ARID1A: variants seen among roughly 807,000 people sequenced by gnomAD.
ARID1A encodes AT-rich interactive domain-containing protein 1A.
ARID1A carries 20 observed loss-of-function variants against 212.6 expected under a neutral mutation model. That is an observed-to-expected ratio of 0.09 (90% confidence interval 0.07 to 0.14). The LOEUF is 0.14. Among genes scored for constraint, ARID1A ranks in the 10% least tolerant of loss-of-function variants. The pLI is 1.00. For missense variants in ARID1A, 2,587 were observed against 3,059.0 expected (o/e 0.85, Z 3.64); for synonymous variants, 1,376 against 1,222.1 (o/e 1.13, Z -2.63).
intron 1 of ARID1A, among the ~76,000 whole-genome samples, chr1:26,702,018 T>C (rs996524860): frequency 2.0e-5 from 3 of 152,180 alleles, no homozygotes; most frequent in Non-Finnish European, 2.9e-5. Context: ...TGGATATTCA[T>C]AAGTTCAGTG....
intron 11 of ARID1A, chr1:26,770,302 G>A (rs937046476): frequency 9.2e-5 from 14 of 152,112 alleles, no homozygotes; most frequent in African/African-American, 3.1e-4. Context: ...GAGATATGTA[G>A]GGGAGCAGTG....
intron 4 of ARID1A, among the ~76,000 whole-genome samples, chr1:26,742,995 C>T (rs1422774768): frequency 2.0e-5 from 3 of 152,082 alleles, no homozygotes; most frequent in Admixed American, 1.3e-4. Context: ...AAATATCAAG[C>T]TGGGGCTTTG....
At chr1:26,722,930 C>G (rs1345056161) in intron 1 of ARID1A, among the ~76,000 whole-genome samples, 1 of 152,118 alleles carries the variant, frequency 6.6e-6, no homozygotes, top group Non-Finnish European at 1.5e-5. Flanking sequence ...CATGTTTCCC[C>G]ACTATTTAAA....
At chr1:26,775,251 A>T (rs1334851882) in intron 18 of ARID1A, 31 bp downstream of exon 18, 5 of 1,541,938 alleles carry the variant, frequency 3.2e-6, no homozygotes, top group Non-Finnish European at 4.4e-6. Context: ...CGGTTGCCTA[A>T]TCTGCCCCTT....
chr1:26,698,099 C>T (rs1037824770), intron 1 of ARID1A, among the ~76,000 whole-genome samples: 1 of 152,222 alleles, frequency 6.6e-6, no homozygotes. Context: ...CCCGGTCCAT[C>T]TCCTGTCTTA....
chr1:26,735,639 T>TTCCC, intron 4 of ARID1A, among the ~76,000 whole-genome samples: 1 of 152,258 alleles, frequency 6.6e-6, no homozygotes, highest in East Asian at 1.9e-4. Context: ...CAGATTGCTG[T>TTCCC]TCCCTCTCAG....
intron 4 of ARID1A, among the ~76,000 whole-genome samples, chr1:26,758,020 A>G (rs2080957977): frequency 6.6e-6 from 1 of 152,226 alleles, no homozygotes; most frequent in Admixed American, 6.5e-5. Flanking sequence ...CTGTTCTGAA[A>G]TACACTTCTT....
Position 26,773,875 on chromosome 1 carries a change from A to G in ARID1A, c.4078A>G (p.Thr1360Ala), listed in dbSNP as rs375202405. Reference protein sequence around the residue: ...SGSPFPSQQTTMYQQQQQNYK... With the variant: ...SGSPFPSQQTAMYQQQQQNYK... ...CAGCCCCTTCCCCAGCCAGCAGACTACAATGTATCAACAGCAACAGCAGGT... is the reference window on the plus strand; with the variant it reads ...CAGCCCCTTCCCCAGCCAGCAGACTGCAATGTATCAACAGCAACAGCAGGT... The change falls in exon 17 of 20, where the codon ACA becomes GCA. Residue 1360 changes from threonine to alanine, a missense_variant. Coordinates refer to ENST00000324856, the MANE Select transcript of ARID1A (RefSeq NM_006015.6). The G allele has an allele frequency of 1.2e-6, 2 of 1,614,122 alleles. No individual in the cohort carries two copies. Among genetic ancestry groups the G allele is most frequent in the African/African-American group, 1.3e-5 (1 of 75,016 alleles).
At chr1:26,747,956 T>G (rs920369721) in intron 4 of ARID1A, among the ~76,000 whole-genome samples, 4 of 152,226 alleles carry the variant, frequency 2.6e-5, no homozygotes, top group Non-Finnish European at 5.9e-5. Flanking sequence ...TCCCTTGTGT[T>G]CAGAGTTGTT....
chr1:26,697,691 G>A (rs2080287885), intron 1 of ARID1A, 151 bp downstream of exon 1: 3 of 821,380 alleles, frequency 3.7e-6, no homozygotes, highest in Non-Finnish European at 3.3e-6. Context: ...CTCTTAAAAT[G>A]GCTGCCTGTC....
At position 26,697,071 on chromosome 1, in the gene ARID1A, C is replaced by A. The variant is rs1398617795; in HGVS notation, c.668C>A (p.Pro223His). 6.7e-7 allele frequency: 1 copy of A among 1,501,908 alleles called. No homozygotes were observed. The highest frequency in any genetic ancestry group is 1.5e-5 in the African/African-American group (1 of 68,416). 93.0% of individuals were successfully genotyped at this position (1,501,908 alleles called of 1,614,324 possible). ...NSYYPNRSAY[P>H]PPAPAYALSS... is the part of the protein sequence containing the mutation. ...TACTACCCCAACCGCAGCGCCTACC[C>A]CCCGCCCGCCCCGGCCTACGCGCTG... Residue 223 changes from proline (P) to histidine (H), a missense_variant, in exon 1 of 20, where the codon CCC (proline) becomes CAC (histidine). By Grantham distance (77) the Pro-to-His change is moderately conservative. This residue lies in a region of ARID1A where 735 missense variants were observed against 590.6 expected (regional missense o/e 1.24). Coordinates refer to ENST00000324856, the MANE Select transcript of ARID1A (RefSeq NM_006015.6).
chr1:26,697,520 C>T lies in ARID1A; in HGVS notation c.1117C>T (p.Pro373Ser), dbSNP rs1259199322. The change falls in exon 1 of 20, where the codon CCG (proline) becomes TCG (serine). Residue 373 changes from proline (P) to serine (S), a missense_variant. By Grantham distance (74) the Pro-to-Ser change is moderately conservative (BLOSUM62 -1). Around this residue, in one of 11 missense-constraint regions of ARID1A, gnomAD observed 735 missense variants for 590.6 expected, o/e 1.24. Coordinates refer to ENST00000324856, the MANE Select transcript of ARID1A (RefSeq NM_006015.6). ...SPGSSGGGGQ[P>S]LARTPQPSSP... ...CGGGAGCAGCGGCGGCGGGGGGCAG[C>T]CGCTCGCCCGGACCCCTCAGGTACA... 2 of 1,400,268 alleles carry T rather than the reference C, an allele frequency of 1.4e-6. No individual in the cohort carries two copies. The highest frequency in any genetic ancestry group is 9.2e-7 in the Non-Finnish European group (1 of 1,084,904). The allele number at this position is 1,400,268 out of a possible 1,614,324, so 86.7% of individuals were successfully genotyped here. A position where few individuals can be genotyped will look rare whatever the true frequency, so the allele number is the denominator to read the frequency against.
intron 4 of ARID1A, among the ~76,000 whole-genome samples, chr1:26,755,986 T>G (rs2080932212): frequency 6.6e-6 from 1 of 151,926 alleles, no homozygotes; most frequent in Non-Finnish European, 1.5e-5. Flanking sequence ...CTCGTGATCC[T>G]CCTGCCTCGG....
At chr1:26,715,472 C>T (rs1436186293) in intron 1 of ARID1A, among the ~76,000 whole-genome samples, 2 of 152,156 alleles carry the variant, frequency 1.3e-5, no homozygotes, top group African/African-American at 4.8e-5. Context: ...AGTAGAAGCA[C>T]CAGAGGATGG....
intron 1 of ARID1A, among the ~76,000 whole-genome samples, chr1:26,713,045 A>G (rs1353688852): frequency 6.6e-6 from 1 of 152,232 alleles, no homozygotes; most frequent in Non-Finnish European, 1.5e-5. Flanking sequence ...ACCTAGCTGC[A>G]ATGAAGGCAG....
rs1364605435 is a variant in ARID1A, at chr1:26,729,781, G to T, written c.1268G>T (p.Gly423Val). The T allele has an allele frequency of 1.2e-6, 2 of 1,614,108 alleles. No individual in the cohort carries two copies. The highest frequency in any genetic ancestry group is 1.7e-5 in the Admixed American group (1 of 60,012). ...QGHGYPGQPY[G>V]SQTPQRYPMT... ...CATGGGTACCCAGGGCAGCCATACGGGTCCCAGACCCCGCAGCGGTACCCG... is the reference window on the plus strand; with the variant it reads ...CATGGGTACCCAGGGCAGCCATACGTGTCCCAGACCCCGCAGCGGTACCCG... Residue 423 changes from glycine (G) to valine (V), a missense_variant, in exon 2 of 20, where the codon GGG (glycine) becomes GTG (valine). Transcript: ENST00000324856.
chr1:26,731,800 C>G (rs542824271), intron 3 of ARID1A, among the ~76,000 whole-genome samples, 196 bp downstream of exon 3: 11 of 152,294 alleles, frequency 7.2e-5, no homozygotes, highest in African/African-American at 1.9e-4. Context: ...AGACCTGTAG[C>G]TCTCCTTAAT....
rs2124116376 is a variant in ARID1A at position 26,774,228 on chromosome 1, C to T, written c.4102-101C>T. On this transcript the variant is annotated intron_variant, in intron 17 of 19. Transcript: ENST00000324856. This position sits in a 1 kb window ranked among gnomAD's most constrained non-coding sequence, Gnocchi z 5.6. ...GGTGATTCCCATGTTTTCTTGGAGT[C>T]TGTGTCCACCAAGCATCTGGTTGTA... The T allele has an allele frequency of 2.7e-6, 4 of 1,489,926 alleles. No homozygotes were observed. The highest frequency in any genetic ancestry group is 2.7e-6 in the Non-Finnish European group (3 of 1,121,916). The allele number at this position is 1,489,926 out of a possible 1,614,324, so 92.3% of individuals were successfully genotyped here.
Position 26,772,294 on chromosome 1 carries a change from C to T in ARID1A, c.3407-206C>T, listed in dbSNP as rs528493201. On this transcript the variant is annotated intron_variant, in intron 12 of 19. Transcript: ENST00000324856. ...GGCCACATCACTCCTCTTTTCTACA[C>T]GTAAAACAAAAACAAAGAGCTACAA... is the stretch of plus-strand genomic sequence containing the variant. The T allele has an allele frequency of 1.3e-3, 863 of 687,328 alleles. 1 individual carries two copies. The highest frequency in any genetic ancestry group is 1.8e-3 in the Non-Finnish European group (737 of 417,626). The allele number at this position is 687,328 out of a possible 1,614,324, so 42.6% of individuals were successfully genotyped here.
Sources: gnomAD v4.1 joint callset for allele counts (sites outside exome capture counted in the v4.1 genomes callset) on GRCh38, gnomAD v4.1.1 for gene constraint, gnomAD v4.1.1 regional missense constraint, Gnocchi (gnomAD v3.1) non-coding constraint, MANE v1.5 for transcripts, NCBI Gene and HGNC (gene_info 2026-07-23, HGNC 2026-07-21) for gene names.